Variants in LOXL2 observed in about 807,000 individuals in gnomAD.
LOXL2 encodes the protein lysyl oxidase like 2, also known as lysyl oxidase homolog 2.
LOXL2 carries 70 observed loss-of-function variants against 93.0 expected under a neutral mutation model. That is an observed-to-expected ratio of 0.75 (90% CI 0.62 to 0.92). The LOEUF is 0.92. Among genes scored for constraint, LOXL2 ranks in the 40% least tolerant of loss-of-function variants. LOXL2 has a pLI of 0.00. For synonymous variants in LOXL2, 438 were observed against 413.2 expected (o/e 1.06, Z -0.73); for missense variants, 973 against 1,054.9 (o/e 0.92, Z 1.08).
intron 1 of LOXL2, among the ~76,000 whole-genome samples, chr8:23,389,235 T>C (rs2117234320): frequency 6.6e-6 from 1 of 152,284 alleles, no homozygotes; most frequent in South Asian, 2.1e-4. Flanking sequence ...GCTACTACCT[T>C]GATAGCTGAG....
intron 6 of LOXL2, 50 bp from the exon 7 acceptor site, chr8:23,322,331 T>C (rs777780241): frequency 6.4e-7 from 1 of 1,566,842 alleles, no homozygotes; most frequent in East Asian, 2.3e-5. Flanking sequence ...AAGGAAACTT[T>C]CTGGAGTGGC....
chr8:23,341,552 A>C, intron 3 of LOXL2: 3 of 364,202 alleles, frequency 8.2e-6, no homozygotes, highest in South Asian at 2.8e-5. Context: ...CTCGAAATAA[A>C]TGCACAGGAG....
intron 1 of LOXL2, among the ~76,000 whole-genome samples, chr8:23,381,361 G>T (rs1038211568): frequency 6.6e-6 from 1 of 152,104 alleles, no homozygotes; most frequent in Non-Finnish European, 1.5e-5. Flanking sequence ...CTGGGCCAAA[G>T]GGTTTGTACA....
intron 6 of LOXL2, among the ~76,000 whole-genome samples, chr8:23,326,415 C>T (rs568169511): frequency 6.6e-6 from 1 of 152,244 alleles, no homozygotes; most frequent in African/African-American, 2.4e-5. Flanking sequence ...TTGGAGAGCA[C>T]AAACCCACAC....
chr8:23,315,072 GGGAGGGGAGA>G (rs1803373103), intron 9 of LOXL2, among the ~76,000 whole-genome samples: 1 of 152,144 alleles, frequency 6.6e-6, no homozygotes, highest in Non-Finnish European at 1.5e-5. Context: ...TCTGGCTTTG[GGGAGGGGAGA>G]GGAGGGGAAG....
rs35274565 is a variant in LOXL2, at chr8:23,354,588, C to CTGTGTGTGTGTGTGTGTGTG, written c.531+5501_531+5502insCACACACACACACACACACA. Reference sequence around the variant, plus strand: ...ACACATGCTGGTTGGCATCCCTTCTCTGTGTGTGTGTGTGTGTGTTCTCAC... The same window carrying CTGTGTGTGTGTGTGTGTGTG: ...ACACATGCTGGTTGGCATCCCTTCTCTGTGTGTGTGTGTGTGTGTGTGTGTGTGTGTGTGTGTGTTCTCAC... On this transcript the variant is annotated intron_variant, in intron 3 of 13. Transcript: ENST00000389131. Among the ~76,000 whole-genome samples the CTGTGTGTGTGTGTGTGTGTG allele has an allele frequency of 2.0e-3, 298 of 150,902 alleles. 2 individuals carry two copies. Among genetic ancestry groups the CTGTGTGTGTGTGTGTGTGTG allele is most frequent in the African/African-American group, 5.6e-3 (232 of 41,096 alleles).
intron 1 of LOXL2, among the ~76,000 whole-genome samples, chr8:23,392,962 G>T (rs1800030640): frequency 6.6e-6 from 1 of 152,132 alleles, no homozygotes; most frequent in Non-Finnish European, 1.5e-5. Context: ...ATTTACAATA[G>T]CATCAAAAAT....
At chr8:23,312,074 A>G (rs1803326782) in intron 9 of LOXL2, among the ~76,000 whole-genome samples, 3 of 152,254 alleles carry the variant, frequency 2.0e-5, no homozygotes, top group Admixed American at 1.3e-4. Context: ...TCCTCGACAC[A>G]TACACCGTCC....
chr8:23,392,072 T>G (rs960517373), intron 1 of LOXL2, among the ~76,000 whole-genome samples: 2 of 152,198 alleles, frequency 1.3e-5, no homozygotes, highest in African/African-American at 4.8e-5. Context: ...CAGGCCAAGC[T>G]GTCATCCAAG....
rs945882467 is a variant in LOXL2 at position 23,325,021 on chromosome 8, G to C, written c.1151-2740C>G. Among the ~76,000 whole-genome samples the C allele has an allele frequency of 3.3e-5, 5 of 152,172 alleles. No individual in the cohort carries two copies. In the East Asian group the frequency reaches 9.6e-4, roughly 29 times the overall value. On this transcript the variant is annotated intron_variant, in intron 6 of 13. Transcript: ENST00000389131. ...AGTACAGGAGCCACCAGCTGCATGT[G>C]GCTATTGAGCACTTGAAATGTAGCC... is the stretch of plus-strand genomic sequence containing the variant.
At chr8:23,309,588 T>C in intron 10 of LOXL2, 80 bp downstream of exon 10, 2 of 1,327,646 alleles carry the variant, frequency 1.5e-6, no homozygotes, top group South Asian at 2.0e-5. Context: ...TAAGTGACCC[T>C]GGCAACTCTC....
chr8:23,316,800 T>C, intron 9 of LOXL2, 149 bp downstream of exon 9: 1 of 787,794 alleles, frequency 1.3e-6, no homozygotes, highest in Non-Finnish European at 1.9e-6. Flanking sequence ...CGGTCATCTC[T>C]CTTGCCCCCA....
chr8:23,300,887 G>A (rs904176679), intron 12 of LOXL2, among the ~76,000 whole-genome samples: 8 of 152,206 alleles, frequency 5.3e-5, no homozygotes, highest in Admixed American at 1.3e-4. Context: ...CACTGTATAC[G>A]TGCACATGGC....
chr8:23,395,875 T>C (rs1278003165), intron 1 of LOXL2, among the ~76,000 whole-genome samples: 2 of 152,050 alleles, frequency 1.3e-5, no homozygotes, highest in African/African-American at 4.8e-5. Flanking sequence ...GGTTTTACCC[T>C]GTTGCCCAGG....
At chr8:23,340,606 G>A (rs1803866394) in intron 4 of LOXL2, among the ~76,000 whole-genome samples, 1 of 152,164 alleles carries the variant, frequency 6.6e-6, no homozygotes, top group East Asian at 1.9e-4. Flanking sequence ...TCTTAAGTTG[G>A]TGTTGTCTGT....
intron 3 of LOXL2, among the ~76,000 whole-genome samples, chr8:23,356,396 G>A (rs1804198837): frequency 6.6e-6 from 1 of 152,176 alleles, no homozygotes; most frequent in African/African-American, 2.4e-5. Context: ...ACTGATACAG[G>A]CCATTCCAGA....
chr8:23,384,113 G>A (rs1266041259), intron 1 of LOXL2, among the ~76,000 whole-genome samples: 2 of 152,202 alleles, frequency 1.3e-5, no homozygotes, highest in Non-Finnish European at 2.9e-5. Flanking sequence ...TATAGTAAAG[G>A]CAGTAGGCAA....
rs750346852 is a variant in LOXL2, at chr8:23,328,633, G to GC, written c.967-69dup. On this transcript the variant is annotated intron_variant, in intron 5 of 13. Coordinates refer to ENST00000389131, the MANE Select transcript of LOXL2 (RefSeq NM_002318.3). ...CGTTCAGCGGGTGACCACTGTCCCC[G>GC]CCCCCTCCCTTCCCTGCCACCCTGT... 5 of 1,484,694 alleles carry GC rather than the reference G, an allele frequency of 3.4e-6. No individual in the cohort carries two copies. In the East Asian group the frequency reaches 1.1e-4, roughly 34 times the overall value. The allele number at this position is 1,484,694 out of a possible 1,614,324, so 92.0% of individuals were successfully genotyped here.
At chr8:23,329,039 G>C (rs1803633287) in intron 5 of LOXL2, 1 of 171,680 alleles carries the variant, frequency 5.8e-6, no homozygotes. Context: ...TTCTAAGCAA[G>C]TTTGGATCAA....
Sources: allele counts gnomAD v4.1 joint callset (sites outside exome capture counted in the v4.1 genomes callset), GRCh38; gene constraint gnomAD v4.1.1; transcripts MANE v1.5; gene names NCBI Gene and HGNC (gene_info 2026-07-23, HGNC 2026-07-21).